ENOSF1: variants seen among roughly 807,000 people sequenced by gnomAD.
ENOSF1 encodes enolase superfamily member 1, also known as mitochondrial enolase superfamily member 1.
A neutral mutation model predicts 68.2 loss-of-function variants in ENOSF1; 73 were observed. That is an observed-to-expected ratio of 1.07 (90% CI 0.89 to 1.30). The LOEUF (loss-of-function observed/expected upper bound fraction) is 1.30. ENOSF1 is among the 50% of genes most tolerant of loss of function. ENOSF1 has a pLI of 0.00. For synonymous variants in ENOSF1, 223 were observed against 210.4 expected, an observed-to-expected ratio of 1.06 and a Z score of -0.52; for missense variants, 589 against 554.5, an observed-to-expected ratio of 1.06 and a Z score of -0.62.
At position 672,846 on chromosome 18, in the gene ENOSF1, T is replaced by C. The variant is rs758969207; in HGVS notation, c.*1459A>G. The C allele has an allele frequency of 5.2e-6, 8 of 1,549,384 alleles. No individual in the cohort carries two copies. In the East Asian group the frequency reaches 1.4e-4, roughly 26 times the overall value. ...TACAATTATGGCAAAATAATGGCCT[T>C]ATTTTGTTTTTAGCTTCAGCGAGAA... On this transcript the variant is annotated 3_prime_UTR_variant, in exon 16 of 16. Coordinates refer to ENST00000647584, the MANE Select transcript of ENOSF1 (RefSeq NM_017512.7).
downstream of ENOSF1, chr18:667,689 TTAA>T (rs1388493902): frequency 1.3e-5 from 2 of 152,158 alleles, no homozygotes; most frequent in African/African-American, 4.8e-5. Context: ...AATGGCAAGT[TTAA>T]TATTATGTGT....
chr18:683,520 C>G (rs2076311198), intron 10 of ENOSF1, 140 bp from the exon 11 acceptor site: 1 of 904,612 alleles, frequency 1.1e-6, no homozygotes, highest in Non-Finnish European at 1.7e-6. Flanking sequence ...TGAGGCCCAG[C>G]ACACGGCCCT....
chr18:677,261 T>C (rs2075606506), intron 14 of ENOSF1, 84 bp downstream of exon 14: 2 of 1,141,234 alleles, frequency 1.8e-6, no homozygotes, highest in African/African-American at 3.1e-5. Context: ...TAGTGTGTTC[T>C]GGTCATGAAG....
At chr18:676,299 G>C (rs1438785296) in intron 14 of ENOSF1, among the ~76,000 whole-genome samples, 1 of 152,216 alleles carries the variant, frequency 6.6e-6, no homozygotes, top group Non-Finnish European at 1.5e-5. Flanking sequence ...CAAATCTCAT[G>C]TTGAACTGTA....
rs552925105 is a variant in ENOSF1, at chr18:706,814, TA to T, written c.85-237del. 191 of 94,440 alleles carry T rather than the reference TA, an allele frequency of 2.0e-3. 2 individuals are homozygous for T. Among genetic ancestry groups the T allele is most frequent in the South Asian group, 4.4e-3 (14 of 3,206 alleles). The allele number at this position is 94,440 out of a possible 1,614,324, so 5.9% of individuals were successfully genotyped here. On this transcript the variant is annotated intron_variant, in intron 1 of 15. Coordinates refer to ENST00000647584, the MANE Select transcript of ENOSF1 (RefSeq NM_017512.7). ...AGAGCAATGTATGTATATATATATA[TA>T]TTTTTTTTTTTTTTCTTTTTTGAGA... is the stretch of plus-strand genomic sequence containing the variant.
At chr18:705,612 T>A (rs1049858423) in intron 2 of ENOSF1, among the ~76,000 whole-genome samples, 1 of 152,136 alleles carries the variant, frequency 6.6e-6, no homozygotes, top group Admixed American at 6.6e-5. Context: ...TCAGTATGCA[T>A]CTTAAAGAAT....
chr18:667,239 AGATGGTGATGGTGATGGT>A (rs1264608229), downstream of ENOSF1, among the ~76,000 whole-genome samples: 1 of 13,448 alleles, frequency 7.4e-5, no homozygotes, highest in Non-Finnish European at 1.2e-4. Flanking sequence ...ATGGAGATGG[AGATGGTGATGGTGATGGT>A]GATGGAGATG....
intron 14 of ENOSF1, 136 bp downstream of exon 14, chr18:677,209 A>G (rs1008635804): frequency 4.2e-6 from 3 of 709,910 alleles, no homozygotes; most frequent in African/African-American, 3.7e-5. Context: ...AGCAAAACCA[A>G]CTCCGCCTGA....
intron 7 of ENOSF1, chr18:690,843 A>G (rs944099805): frequency 6.4e-6 from 9 of 1,413,776 alleles, no homozygotes; most frequent in Non-Finnish European, 8.4e-6. Flanking sequence ...CTCTCCCTAC[A>G]GTGTAATCCT....
Position 673,210 on chromosome 18 carries a change from G to C in ENOSF1, c.*1095C>G. 1 of 426,692 alleles carries C rather than the reference G, an allele frequency of 2.3e-6. No individual in the cohort carries two copies. Among genetic ancestry groups the C allele is most frequent in the Non-Finnish European group, 4.1e-6 (1 of 244,256 alleles). 26.4% of individuals were successfully genotyped at this position (426,692 alleles called of 1,614,324 possible). A position where few individuals can be genotyped will look rare whatever the true frequency, so the allele number is the denominator to read the frequency against. On this transcript the variant is annotated 3_prime_UTR_variant, in exon 16 of 16. Coordinates refer to ENST00000647584, the MANE Select transcript of ENOSF1 (RefSeq NM_017512.7). Reference sequence around the variant, plus strand: ...AAAGGCTTTGAGTTAACTCACTGAGGGTATCTGACAATGCTGAGGTTATGA... The same window carrying C: ...AAAGGCTTTGAGTTAACTCACTGAGCGTATCTGACAATGCTGAGGTTATGA...
chr18:692,553 T>C (rs868145335), intron 5 of ENOSF1: 10 of 279,202 alleles, frequency 3.6e-5, no homozygotes, highest in Non-Finnish European at 4.8e-5. Context: ...GCTGAGATCA[T>C]GCCACTGTAC....
chr18:696,011 G>A (rs982887464), intron 3 of ENOSF1, among the ~76,000 whole-genome samples: 4 of 152,082 alleles, frequency 2.6e-5, no homozygotes, highest in African/African-American at 7.2e-5. Flanking sequence ...CCAGTATCAC[G>A]GGACAAAGGC....
intron 5 of ENOSF1, 53 bp from the exon 6 acceptor site, chr18:691,329 T>C: frequency 2.0e-6 from 3 of 1,465,684 alleles, no homozygotes; most frequent in Non-Finnish European, 2.8e-6. Flanking sequence ...AGGTGGGTTA[T>C]ATTTTGTTTT....
At chr18:686,987 C>T (rs1375488970) in intron 9 of ENOSF1, 1 of 152,200 alleles carries the variant, frequency 6.6e-6, no homozygotes, top group Non-Finnish European at 1.5e-5. Flanking sequence ...TTTAAATCTC[C>T]CCACAGCCTT....
At chr18:694,741 A>G (rs1011043274) in intron 3 of ENOSF1, among the ~76,000 whole-genome samples, 1 of 152,220 alleles carries the variant, frequency 6.6e-6, no homozygotes, top group African/African-American at 2.4e-5. Context: ...GTTTAAAAAA[A>G]ACAGTTGCTA....
intron 12 of ENOSF1, 179 bp downstream of exon 12, chr18:678,517 A>C (rs1170774969): frequency 3.4e-6 from 2 of 592,354 alleles, no homozygotes; most frequent in African/African-American, 3.7e-5. Flanking sequence ...ATAGCCACAA[A>C]CTTTTTCTAT....
chr18:694,627 C>CA (rs1304863597), intron 3 of ENOSF1, among the ~76,000 whole-genome samples: 6,129 of 107,682 alleles, frequency 0.057, 287 homozygotes, highest in African/African-American at 0.15. Context: ...GACTCTGTCT[C>CA]AAAAAAAAAA....
At chr18:705,847 A>G (rs912721391) in intron 2 of ENOSF1, among the ~76,000 whole-genome samples, 4 of 151,884 alleles carry the variant, frequency 2.6e-5, no homozygotes, top group African/African-American at 9.7e-5. Flanking sequence ...TGTCTCTACT[A>G]AAAATACAAA....
At chr18:688,474 C>T (rs957329088) in intron 9 of ENOSF1, 100 bp downstream of exon 9, 9 of 1,513,752 alleles carry the variant, frequency 5.9e-6, no homozygotes, top group Admixed American at 3.4e-5. Flanking sequence ...GATCCTAGCC[C>T]GTGGGTGCCT....
Sources: gnomAD v4.1 joint callset for allele counts (sites outside exome capture counted in the v4.1 genomes callset) on GRCh38, gnomAD v4.1.1 for gene constraint, MANE v1.5 for transcripts, NCBI Gene and HGNC (gene_info 2026-07-23, HGNC 2026-07-21) for gene names.